The following DOCK4 variants were observed in gnomAD, a reference collection of about 807,000 sequenced individuals.
DOCK4 encodes the protein dedicator of cytokinesis 4.
DOCK4 carries 97 observed loss-of-function variants against 268.1 expected under a neutral mutation model. That is an observed-to-expected ratio of 0.36 (90% CI 0.31 to 0.43). The LOEUF is 0.43. Ranked by LOEUF, DOCK4 falls within the 20% of genes least tolerant of loss-of-function variation. The pLI is 1.00. For missense variants in DOCK4, 2,145 were observed against 2,455.7 expected (o/e 0.87, Z 2.67); for synonymous variants, 954 against 887.2 (o/e 1.08, Z -1.34).
At chr7:112,092,972 T>C (rs1045361910) in intron 1 of DOCK4, among the ~76,000 whole-genome samples, 1 of 152,172 alleles carries the variant, frequency 6.6e-6, no homozygotes, top group African/African-American at 2.4e-5. Flanking sequence ...GAAAGTGTCA[T>C]GGGAAATCAA....
Position 112,206,381 on chromosome 7 carries a change from G to A in DOCK4, c.-243C>T, listed in dbSNP as rs779957456. 16 of 583,082 alleles carry A rather than the reference G, an allele frequency of 2.7e-5. No homozygotes were observed. Among genetic ancestry groups the A allele is most frequent in the African/African-American group, 5.8e-5 (3 of 51,308 alleles). The allele number at this position is 583,082 out of a possible 1,614,324, so 36.1% of individuals were successfully genotyped here. A position where few individuals can be genotyped will look rare whatever the true frequency, so the allele number is the denominator to read the frequency against. On this transcript the variant is annotated 5_prime_UTR_variant, in exon 1 of 53. Coordinates refer to ENST00000428084, the MANE Select transcript of DOCK4 (RefSeq NM_001363540.2). The stretch of plus-strand genomic sequence containing the variant: ...GACGCGCTCCCGGGTACCCGGCGGC[G>A]CAGTCATTGTTCTGATTCACTGAAC...
chr7:112,058,961 T>C (rs938765302), intron 1 of DOCK4, among the ~76,000 whole-genome samples: 1 of 152,096 alleles, frequency 6.6e-6, no homozygotes, highest in African/African-American at 2.4e-5. Context: ...AAGATTAAAC[T>C]CAACTCTAAG....
At chr7:111,829,085 T>G (rs1802618069) in intron 26 of DOCK4, among the ~76,000 whole-genome samples, 1 of 152,000 alleles carries the variant, frequency 6.6e-6, no homozygotes, top group Admixed American at 6.6e-5. Context: ...CACTTATAAT[T>G]TCCCATTAAA....
At chr7:111,901,332 CAA>C (rs398047987) in intron 14 of DOCK4, among the ~76,000 whole-genome samples, 14,981 of 74,924 alleles carry the variant, frequency 0.2, 356 homozygotes, top group African/African-American at 0.22. Context: ...GATTCTGTCT[CAA>C]AAAAAAAAAA....
At chr7:111,895,291 C>A (rs558926379) in intron 16 of DOCK4, among the ~76,000 whole-genome samples, 7 of 152,100 alleles carry the variant, frequency 4.6e-5, no homozygotes, top group Admixed American at 4.6e-4. Context: ...GATAAGAAAG[C>A]GCGTAATGTA....
intron 1 of DOCK4, among the ~76,000 whole-genome samples, chr7:112,164,608 A>G (rs961256689): frequency 5.3e-5 from 8 of 152,236 alleles, no homozygotes; most frequent in Non-Finnish European, 5.9e-5. Context: ...CACATGGAAA[A>G]GTCTCTCATC....
At chr7:112,045,923 G>C (rs1352722749) in intron 1 of DOCK4, among the ~76,000 whole-genome samples, 1 of 152,188 alleles carries the variant, frequency 6.6e-6, no homozygotes, top group Non-Finnish European at 1.5e-5. Context: ...CTCATAACGT[G>C]AAGTTAAGAA....
chr7:111,923,943 G>T (rs1793377031), intron 12 of DOCK4, among the ~76,000 whole-genome samples: 1 of 152,146 alleles, frequency 6.6e-6, no homozygotes, highest in Non-Finnish European at 1.5e-5. Context: ...AATTTTAGAA[G>T]TTCTATTTAC....
intron 12 of DOCK4, among the ~76,000 whole-genome samples, chr7:111,925,916 T>C (rs1044380914): frequency 1.3e-5 from 2 of 151,054 alleles, no homozygotes; most frequent in Admixed American, 6.6e-5. Flanking sequence ...TAAAACCCCA[T>C]CTCTACTAAA....
At chr7:111,886,461 T>C (rs1413155797) in intron 16 of DOCK4, among the ~76,000 whole-genome samples, 1 of 152,200 alleles carries the variant, frequency 6.6e-6, no homozygotes, top group Non-Finnish European at 1.5e-5. Flanking sequence ...TAATACCGAT[T>C]ACAACACTGG....
intron 43 of DOCK4, among the ~76,000 whole-genome samples, chr7:111,746,812 A>G (rs1354879953): frequency 2.5e-5 from 2 of 79,168 alleles, no homozygotes; most frequent in Admixed American, 4.1e-4. Context: ...GATCGGTCTT[A>G]TCTTTTTTTT....
intron 20 of DOCK4, among the ~76,000 whole-genome samples, chr7:111,870,908 T>C (rs986790116): frequency 5.3e-5 from 8 of 152,172 alleles, no homozygotes; most frequent in African/African-American, 1.7e-4. Context: ...AGGGCCCAAA[T>C]TGTTAGGCTG....
intron 41 of DOCK4, 126 bp downstream of exon 41, chr7:111,758,498 G>A: frequency 9.1e-7 from 1 of 1,093,158 alleles, no homozygotes; most frequent in Non-Finnish European, 1.3e-6. Context: ...TAGACTAAAT[G>A]ATTTATATAG....
chr7:111,861,007 G>C (rs141856141), intron 23 of DOCK4, among the ~76,000 whole-genome samples: 98 of 152,292 alleles, frequency 6.4e-4, no homozygotes, highest in African/African-American at 2.3e-3. Flanking sequence ...GAATTATCTG[G>C]TCAGTGTGGG....
intron 1 of DOCK4, among the ~76,000 whole-genome samples, chr7:112,164,668 C>T (rs1235291362): frequency 1.6e-4 from 25 of 152,308 alleles, no homozygotes; most frequent in Admixed American, 1.6e-3. Flanking sequence ...TCAATACTTA[C>T]AATTATTTTT....
rs869052136 is a variant in DOCK4, at chr7:111,762,762, C to CTTTTTTTTTTTTTTTTTT, written c.4020+2338_4020+2355dup. ...TAAATAACCCATTTTGTTTTGTTTT[C>CTTTTTTTTTTTTTTTTTT]TTTTTTTTTTTTTTTTTTTTTTTTG... is the stretch of plus-strand genomic sequence containing the variant. On this transcript the variant is annotated intron_variant, in intron 39 of 52. Coordinates refer to ENST00000428084, the MANE Select transcript of DOCK4 (RefSeq NM_001363540.2). Among the ~76,000 whole-genome samples the CTTTTTTTTTTTTTTTTTT allele has an allele frequency of 2.0e-3, 127 of 63,056 alleles. 13 individuals carry two copies. The highest frequency in any genetic ancestry group is 2.2e-3 in the Non-Finnish European group (74 of 33,360). 41.4% of individuals were successfully genotyped at this position (63,056 alleles called of 152,430 possible).
intron 32 of DOCK4, among the ~76,000 whole-genome samples, chr7:111,786,001 T>A (rs1004026609): frequency 1.3e-5 from 2 of 152,156 alleles, no homozygotes; most frequent in African/African-American, 4.8e-5. Flanking sequence ...ATAATGGGGT[T>A]ACGTAGAAGT....
At chr7:111,942,706 CCG>C (rs1264249911) in intron 10 of DOCK4, among the ~76,000 whole-genome samples, 1 of 152,146 alleles carries the variant, frequency 6.6e-6, no homozygotes, top group Non-Finnish European at 1.5e-5. Flanking sequence ...ACTACTCACC[CCG>C]CCACTCTGGC....
In DOCK4 at chr7:112,020,685, T is replaced by TAA. The variant is rs58803593; in HGVS notation, c.38-16556_38-16555dup. 2.0e-3 allele frequency among the ~76,000 whole-genome samples: 232 copies of TAA among 116,900 alleles called. 1 individual carries two copies. The highest frequency in any genetic ancestry group is 6.4e-3 in the African/African-American group (199 of 30,918). 76.7% of individuals were successfully genotyped at this position (116,900 alleles called of 152,430 possible). The stretch of plus-strand genomic sequence containing the variant: ...CAAAGAGTCACTGGTACCCTAAAAG[T>TAA]AAAAAAAAAAAAAAAAAAAAAAATT... On this transcript the variant is annotated intron_variant, in intron 1 of 52. Coordinates refer to ENST00000428084, the MANE Select transcript of DOCK4 (RefSeq NM_001363540.2).
Sources: allele counts gnomAD v4.1 joint callset (sites outside exome capture counted in the v4.1 genomes callset), GRCh38; gene constraint gnomAD v4.1.1; transcripts MANE v1.5; gene names NCBI Gene and HGNC (gene_info 2026-07-23, HGNC 2026-07-21).